Variants in DLGAP1 observed in about 807,000 individuals in gnomAD.
DLGAP1 encodes the protein disks large-associated protein 1.
In DLGAP1, 11 loss-of-function variants were observed where a neutral mutation model predicts 90.8. That is an observed-to-expected ratio of 0.12 (90% confidence interval 0.08 to 0.20). The LOEUF (loss-of-function observed/expected upper bound fraction) is 0.20, where lower values mean the gene tolerates loss of function less well. Among genes scored for constraint, DLGAP1 ranks in the 10% least tolerant of loss-of-function variants. The pLI is 1.00. For missense variants in DLGAP1, 1,050 were observed against 1,333.8 expected, an observed-to-expected ratio of 0.79 and a Z score of 3.31; for synonymous variants, 558 against 540.7, an observed-to-expected ratio of 1.03 and a Z score of -0.44.
In DLGAP1 at chr18:4,154,244, A is replaced by G. The variant is rs200803935; in HGVS notation, c.-266-2957T>C. On this transcript the variant is annotated intron_variant, in intron 1 of 12. Coordinates refer to ENST00000315677, the MANE Select transcript of DLGAP1 (RefSeq NM_004746.4). Reference sequence around the variant, plus strand: ...CCCGGCTATTTTTTTTTTTTTTTTTAATTTCTCGTAGAGATAGAGTCTCTC... The same window carrying G: ...CCCGGCTATTTTTTTTTTTTTTTTTGATTTCTCGTAGAGATAGAGTCTCTC... 1.4e-3 allele frequency among the ~76,000 whole-genome samples: 200 copies of G among 141,590 alleles called. 2 individuals are homozygous for G. Among genetic ancestry groups the G allele is most frequent in the East Asian group, 0.012 (62 of 4,968 alleles). 92.9% of individuals were successfully genotyped at this position (141,590 alleles called of 152,430 possible). A position where few individuals can be genotyped will look rare whatever the true frequency, so the allele number is the denominator to read the frequency against.
chr18:4,123,424 G>A (rs995434123), intron 2 of DLGAP1, among the ~76,000 whole-genome samples: 5 of 152,154 alleles, frequency 3.3e-5, no homozygotes, highest in Non-Finnish European at 7.4e-5. Flanking sequence ...GCACAGAGGA[G>A]AGGGAGGGAG....
chr18:3,525,102 A>AC (rs770179453), intron 10 of DLGAP1, among the ~76,000 whole-genome samples: 17 of 148,866 alleles, frequency 1.1e-4, no homozygotes, highest in African/African-American at 3.8e-4. Flanking sequence ...AAAAAAAAAA[A>AC]ATCAACAACA....
intron 7 of DLGAP1, among the ~76,000 whole-genome samples, chr18:3,617,201 GA>G (rs1291034373): frequency 6.6e-6 from 1 of 152,294 alleles, no homozygotes; most frequent in South Asian, 2.1e-4. Context: ...CCGTTGCATA[GA>G]AAGAAACAGA....
At chr18:3,763,344 C>T (rs547152150) in intron 5 of DLGAP1, among the ~76,000 whole-genome samples, 1 of 152,300 alleles carries the variant, frequency 6.6e-6, no homozygotes, top group Admixed American at 6.5e-5. Flanking sequence ...GCTGCACTGT[C>T]GGCTTCCCTA....
chr18:4,310,248 AATTGCATTAG>A (rs1215067803), intron 1 of DLGAP1, among the ~76,000 whole-genome samples: 3 of 151,932 alleles, frequency 2.0e-5, no homozygotes. Flanking sequence ...GTTTTTTTTT[AATTGCATTAG>A]ATTACACATT....
chr18:3,845,135 C>T, intron 4 of DLGAP1: 2 of 1,443,464 alleles, frequency 1.4e-6, no homozygotes, highest in Middle Eastern at 2.4e-4. Flanking sequence ...AAATTAACTC[C>T]AGTATGTTAA....
intron 1 of DLGAP1, among the ~76,000 whole-genome samples, chr18:4,351,528 C>T (rs560223614): frequency 6.6e-5 from 10 of 152,204 alleles, no homozygotes; most frequent in African/African-American, 2.4e-4. Flanking sequence ...ATTTCTGTTT[C>T]TAATTTAAAA....
chr18:4,134,994 T>C (rs1187821890), intron 2 of DLGAP1, among the ~76,000 whole-genome samples: 2 of 151,824 alleles, frequency 1.3e-5, no homozygotes, highest in African/African-American at 2.4e-5. Flanking sequence ...GAATTTTACA[T>C]AGGAATTTGA....
rs539834359 is a variant in DLGAP1, at chr18:4,187,777, C to T, written c.-266-36490G>A. 2.6e-3 allele frequency among the ~76,000 whole-genome samples: 393 copies of T among 152,132 alleles called. 3 individuals are homozygous for T. The highest frequency in any genetic ancestry group is 8.3e-3 in the African/African-American group (346 of 41,520). ...ATTTGGGAGGCTGAGGTAGGTGGAT[C>T]GCCTGAGGTCAGGAGTTTGAGATCA... On this transcript the variant is annotated intron_variant, in intron 1 of 12. Transcript: ENST00000315677.
chr18:3,562,435 T>TGG (rs2054183246), intron 9 of DLGAP1, among the ~76,000 whole-genome samples: 1 of 151,626 alleles, frequency 6.6e-6, no homozygotes, highest in South Asian at 2.1e-4. Context: ...GATTGAATCA[T>TGG]GGGGGTGGGT....
chr18:3,741,138 T>TCACCATCACCATCACCACCACCAC (rs1568048779), intron 6 of DLGAP1, among the ~76,000 whole-genome samples: 1 of 33,604 alleles, frequency 3.0e-5, no homozygotes, highest in Admixed American at 3.4e-4. Flanking sequence ...CACCACCACA[T>TCACCATCACCATCACCACCACCAC]CACCATCACC....
At chr18:4,070,926 C>T (rs1400731421) in intron 2 of DLGAP1, among the ~76,000 whole-genome samples, 2 of 152,048 alleles carry the variant, frequency 1.3e-5, no homozygotes, top group South Asian at 2.1e-4. Flanking sequence ...TAAGAATCAT[C>T]AGAAACTGGC....
intron 7 of DLGAP1, among the ~76,000 whole-genome samples, chr18:3,651,505 A>G (rs2059300909): frequency 6.6e-6 from 1 of 152,166 alleles, no homozygotes. Context: ...AAAAATAGAA[A>G]GATTCAGCTG....
chr18:3,570,580 G>A (rs1372780085), intron 8 of DLGAP1, among the ~76,000 whole-genome samples: 1 of 151,834 alleles, frequency 6.6e-6, no homozygotes, highest in South Asian at 2.1e-4. Context: ...ATATAATTTT[G>A]TAATCAGTCT....
intron 7 of DLGAP1, among the ~76,000 whole-genome samples, chr18:3,602,611 AAAAAAC>A (rs1358285071): frequency 1.3e-5 from 2 of 151,548 alleles, no homozygotes; most frequent in African/African-American, 4.9e-5. Context: ...AAAAAAAAAA[AAAAAAC>A]AAAGAAACTT....
rs188029547 is a variant in DLGAP1 at position 3,923,423 on chromosome 18, T to C, written c.-72-43283A>G. 8.4e-4 allele frequency among the ~76,000 whole-genome samples: 128 copies of C among 152,316 alleles called. 1 individual carries two copies. The highest frequency in any genetic ancestry group is 1.4e-3 in the Non-Finnish European group (94 of 68,032). On this transcript the variant is annotated intron_variant, in intron 3 of 12. Coordinates refer to ENST00000315677, the MANE Select transcript of DLGAP1 (RefSeq NM_004746.4). ...TAAACTTTTTGTTTATAACTTCTGC[T>C]CTTTTTCATTAAATTAAAATTTTTA...
intron 2 of DLGAP1, among the ~76,000 whole-genome samples, chr18:4,030,268 T>C (rs2074774101): frequency 6.6e-6 from 1 of 152,228 alleles, no homozygotes; most frequent in African/African-American, 2.4e-5. Context: ...TTTGTCTGTC[T>C]TATTCATGAC....
chr18:3,898,103 A>AT (rs534107618), intron 3 of DLGAP1, among the ~76,000 whole-genome samples: 72 of 152,042 alleles, frequency 4.7e-4, no homozygotes, highest in African/African-American at 1.4e-3. Context: ...CGAATTTCTG[A>AT]TTTTTTTCAT....
chr18:4,353,028 T>C (rs2081433088), intron 1 of DLGAP1, among the ~76,000 whole-genome samples: 2 of 152,152 alleles, frequency 1.3e-5, no homozygotes, highest in Non-Finnish European at 2.9e-5. Flanking sequence ...AGTACAGTTA[T>C]CATCTGCAAG....
Sources: allele counts gnomAD v4.1 joint callset (sites outside exome capture counted in the v4.1 genomes callset), GRCh38; gene constraint gnomAD v4.1.1; transcripts MANE v1.5; gene names NCBI Gene and HGNC (gene_info 2026-07-23, HGNC 2026-07-21).